The following SLC7A8 variants were observed in gnomAD, a reference collection of about 807,000 sequenced individuals.
SLC7A8 encodes large neutral amino acids transporter small subunit 2.
SLC7A8 carries 30 observed loss-of-function variants against 51.2 expected under a neutral mutation model. The observed-to-expected ratio is 0.59, with a 90% CI of 0.44 to 0.80. The LOEUF is 0.80. Among genes scored for constraint, SLC7A8 ranks in the 30% least tolerant of loss-of-function variants. The pLI, the probability that SLC7A8 is intolerant of heterozygous loss-of-function variation, is 0.00. For missense variants in SLC7A8, 612 were observed against 674.4 expected, an observed-to-expected ratio of 0.91 and a Z score of 1.03; for synonymous variants, 257 against 275.8, an observed-to-expected ratio of 0.93 and a Z score of 0.67.
chr14:23,154,437 G>A (rs1008073376), intron 3 of SLC7A8: 1 of 989,542 alleles, frequency 1.0e-6, no homozygotes, highest in Non-Finnish European at 1.2e-6. Flanking sequence ...CTGTGGGGGC[G>A]TGGGTGTGGC....
intron 1 of SLC7A8, among the ~76,000 whole-genome samples, chr14:23,171,024 C>T (rs754962423): frequency 6.6e-5 from 10 of 152,214 alleles, no homozygotes; most frequent in East Asian, 3.9e-4. Flanking sequence ...CCATCCTGCC[C>T]GGCCAACACA....
At chr14:23,138,695 A>G (rs2048714116) in intron 6 of SLC7A8, among the ~76,000 whole-genome samples, 1 of 152,258 alleles carries the variant, frequency 6.6e-6, no homozygotes, top group Non-Finnish European at 1.5e-5. Flanking sequence ...TTTAAGGACT[A>G]TACAATGCAG....
At chr14:23,127,371 G>C in intron 10 of SLC7A8, 28 bp from the exon 11 acceptor site, 1 of 1,608,454 alleles carries the variant, frequency 6.2e-7, no homozygotes, top group Non-Finnish European at 8.5e-7. Flanking sequence ...ACAGAAACCA[G>C]GCCAATGCTG....
chr14:23,180,114 G>A (rs1434355894), intron 1 of SLC7A8, among the ~76,000 whole-genome samples: 2 of 152,046 alleles, frequency 1.3e-5, no homozygotes, highest in Admixed American at 6.6e-5. Flanking sequence ...CACCGTGTTA[G>A]CCAGGATGGT....
intron 3 of SLC7A8, among the ~76,000 whole-genome samples, chr14:23,145,513 C>G (rs1463998888): frequency 7.4e-6 from 1 of 134,446 alleles, no homozygotes; most frequent in Non-Finnish European, 1.5e-5. Flanking sequence ...GGTGACAGAG[C>G]TAGACCACAT....
At chr14:23,146,247 C>A (rs75420989) in intron 3 of SLC7A8, among the ~76,000 whole-genome samples, 1 of 152,140 alleles carries the variant, frequency 6.6e-6, no homozygotes, top group Admixed American at 6.5e-5. Context: ...GTAAGGATTA[C>A]ACAACAAGGA....
At chr14:23,155,147 T>C (rs1259184171) in intron 3 of SLC7A8, 3 of 1,535,262 alleles carry the variant, frequency 2.0e-6, no homozygotes, top group Non-Finnish European at 2.6e-6. Flanking sequence ...TCCAGCCCTT[T>C]TCATCTCGAA....
At chr14:23,149,852 T>C (rs1343908948) in intron 3 of SLC7A8, among the ~76,000 whole-genome samples, 1 of 152,216 alleles carries the variant, frequency 6.6e-6, no homozygotes, top group Non-Finnish European at 1.5e-5. Context: ...TTTAGATATG[T>C]TTAATGCACA....
At chr14:23,160,810 C>G (rs1040949582) in intron 3 of SLC7A8, among the ~76,000 whole-genome samples, 4 of 152,136 alleles carry the variant, frequency 2.6e-5, no homozygotes, top group African/African-American at 9.7e-5. Flanking sequence ...GAAAAACACA[C>G]AAGCAGATCA....
At chr14:23,177,267 T>C (rs560655855) in intron 1 of SLC7A8, among the ~76,000 whole-genome samples, 2 of 152,388 alleles carry the variant, frequency 1.3e-5, no homozygotes, top group East Asian at 3.9e-4. Flanking sequence ...TAACTGGATG[T>C]GTAAATAGAC....
intron 1 of SLC7A8, among the ~76,000 whole-genome samples, chr14:23,178,621 G>C (rs1018773326): frequency 8.1e-5 from 12 of 149,060 alleles, no homozygotes; most frequent in African/African-American, 3.0e-4. Context: ...TTTTTTTTAA[G>C]AGGCAAGGTT....
intron 3 of SLC7A8, among the ~76,000 whole-genome samples, chr14:23,164,937 A>G (rs1481762264): frequency 6.6e-6 from 1 of 151,896 alleles, no homozygotes; most frequent in African/African-American, 2.4e-5. Flanking sequence ...GGTTGCAGTG[A>G]GTGGAGATCA....
chr14:23,127,208 T>G lies in SLC7A8; in HGVS notation c.1577A>C (p.Asp526Ala). 6.2e-7 allele frequency: 1 copy of G among 1,614,126 alleles called. No individual in the cohort carries two copies. Among genetic ancestry groups the G allele is most frequent in the Non-Finnish European group, 8.5e-7 (1 of 1,179,980 alleles). Residue 526 changes from aspartate to alanine, a missense_variant, in exon 11 of 11, where the codon GAC becomes GCC. Transcript: ENST00000316902. ...QPMYQPTPTK[D>A]KDVAGQPQP ...CTGGGGCTGCCCCGCCACGTCCTTG[T>G]CCTTCGTGGGAGTGGGTTGGTACAT...
chr14:23,157,916 C>G (rs2048902354), intron 3 of SLC7A8, among the ~76,000 whole-genome samples: 1 of 152,192 alleles, frequency 6.6e-6, no homozygotes, highest in African/African-American at 2.4e-5. Flanking sequence ...ACTGTGGGTT[C>G]CTTGGTACAA....
chr14:23,135,710 A>G (rs1015210261), intron 7 of SLC7A8, among the ~76,000 whole-genome samples: 1 of 152,032 alleles, frequency 6.6e-6, no homozygotes. Context: ...TTAAAAAAAA[A>G]AGAAAAATTT....
intron 3 of SLC7A8, among the ~76,000 whole-genome samples, chr14:23,159,630 A>G (rs1036062604): frequency 6.6e-6 from 1 of 152,240 alleles, no homozygotes; most frequent in Non-Finnish European, 1.5e-5. Context: ...ATGATAGGAA[A>G]GACTATTGAA....
In SLC7A8 at chr14:23,182,858, G is replaced by T. The variant is rs776568098; in HGVS notation, c.57C>A (p.Gly19=). Residue 19 remains glycine, a synonymous_variant, in exon 1 of 11, where the codon GGC becomes GGA. Coordinates refer to ENST00000316902, the MANE Select transcript of SLC7A8 (RefSeq NM_012244.4). Reference sequence around the variant, plus strand: ...CAGCCTCGGGGCTGGCGTCCGACTCGCCCCCACCTGGGTGTTTCTTTTCGG... The same window carrying T: ...CAGCCTCGGGGCTGGCGTCCGACTCTCCCCCACCTGGGTGTTTCTTTTCGG... The part of the protein sequence containing the change: ...NNTEKKHPGG[G]ESDASPEAGS... The T allele has an allele frequency of 1.9e-6, 3 of 1,613,964 alleles. No homozygotes were observed. The highest frequency in any genetic ancestry group is 2.5e-6 in the Non-Finnish European group (3 of 1,179,954).
At chr14:23,155,353 C>T (rs760259282) in intron 3 of SLC7A8, 7 of 1,523,670 alleles carry the variant, frequency 4.6e-6, no homozygotes, top group Middle Eastern at 3.6e-4. Context: ...GCCCATACTG[C>T]CCCATCCCCT....
intron 3 of SLC7A8, among the ~76,000 whole-genome samples, chr14:23,150,392 G>T (rs6572998): frequency 0.7 from 105,803 of 152,014 alleles, 38,725 homozygotes; most frequent in East Asian, 0.9. Flanking sequence ...TGGTAAGAAT[G>T]GGGAGGAGGA....
Sources: gnomAD v4.1 joint callset for allele counts (sites outside exome capture counted in the v4.1 genomes callset) on GRCh38, gnomAD v4.1.1 for gene constraint, MANE v1.5 for transcripts, NCBI Gene and HGNC (gene_info 2026-07-23, HGNC 2026-07-21) for gene names.